Variants in MSH3 observed in about 807,000 individuals in gnomAD.
MSH3 encodes the protein DNA mismatch repair protein Msh3.
A neutral mutation model predicts 123.3 loss-of-function variants in MSH3; 106 were observed. The ratio of observed to expected loss-of-function variants is 0.86; its 90% CI spans 0.73 to 1.01. MSH3 has a LOEUF of 1.01. MSH3 is among the 50% of genes least tolerant of loss of function. MSH3 has a pLI of 0.00. For synonymous variants in MSH3, 515 were observed against 481.4 expected, an observed-to-expected ratio of 1.07 and a Z score of -0.91; for missense variants, 1,459 against 1,347.6, an observed-to-expected ratio of 1.08 and a Z score of -1.29.
chr5:80,829,750 T>C lies in MSH3; in HGVS notation c.2813+16009T>C, dbSNP rs566344439. Among the ~76,000 whole-genome samples, 6 of 152,336 alleles carry C rather than the reference T, an allele frequency of 3.9e-5. No individual in the cohort carries two copies. In the East Asian group the frequency reaches 7.7e-4, roughly 20 times the overall value. The stretch of plus-strand genomic sequence containing the variant: ...TTAAGGTAATGCTGGCCTTATAGAA[T>C]GTGTCAGGAAGTATTCCCTCTGCTT... On this transcript the variant is annotated intron_variant, in intron 20 of 23. Coordinates refer to ENST00000265081, the MANE Select transcript of MSH3 (RefSeq NM_002439.5).
At chr5:80,748,960 C>G (rs1266889167) in intron 12 of MSH3, among the ~76,000 whole-genome samples, 1 of 152,026 alleles carries the variant, frequency 6.6e-6, no homozygotes, top group Non-Finnish European at 1.5e-5. Flanking sequence ...ATACTATATA[C>G]TTTAAAAATT....
chr5:80,668,981 G>A (rs1650656), intron 3 of MSH3, among the ~76,000 whole-genome samples: 41,986 of 151,936 alleles, frequency 0.28, 5,974 homozygotes, highest in Middle Eastern at 0.34. Context: ...TGCAGCTGGC[G>A]TTACGGCAGT....
intron 8 of MSH3, among the ~76,000 whole-genome samples, chr5:80,707,329 A>G (rs1580576009): frequency 6.6e-6 from 1 of 152,200 alleles, no homozygotes; most frequent in Non-Finnish European, 1.5e-5. Flanking sequence ...AGTTACTAAC[A>G]TTTGTGTACT....
At chr5:80,725,332 C>A in intron 8 of MSH3, 121 bp from the exon 9 acceptor site, 1 of 664,158 alleles carries the variant, frequency 1.5e-6, no homozygotes, top group Non-Finnish European at 2.6e-6. Context: ...CTTTCTTCAA[C>A]TTGGGAAAGA....
chr5:80,797,851 A>T (rs1354320239), intron 19 of MSH3, among the ~76,000 whole-genome samples: 1 of 152,016 alleles, frequency 6.6e-6, no homozygotes, highest in Admixed American at 6.5e-5. Flanking sequence ...GTATCTTGGC[A>T]CCCCTGTCAC....
chr5:80,808,269 G>A (rs748911954), intron 19 of MSH3, among the ~76,000 whole-genome samples: 1 of 152,170 alleles, frequency 6.6e-6, no homozygotes, highest in Non-Finnish European at 1.5e-5. Flanking sequence ...CTTGTGGACA[G>A]CTATGTGATC....
chr5:80,873,212 CA>C lies in MSH3; in HGVS notation c.3228del (p.Asp1077MetfsTer7). On this transcript the variant is annotated frameshift_variant, in exon 23 of 24. Coordinates refer to ENST00000265081, the MANE Select transcript of MSH3 (RefSeq NM_002439.5). LOFTEE classifies it high-confidence loss of function. ...TATGGATTAAATGTGGCTAAACTAG[CA>C]GATGTTCCTGGAGAAATTTTGAAGA... ...RSYGLNVAKL[A>X]DVPGEILKKA... 6.2e-7 allele frequency: 1 copy of C among 1,613,924 alleles called. No homozygotes were observed. The highest frequency in any genetic ancestry group is 8.5e-7 in the Non-Finnish European group (1 of 1,179,902).
chr5:80,697,426 A>G (rs542162774), intron 8 of MSH3, among the ~76,000 whole-genome samples: 2 of 152,256 alleles, frequency 1.3e-5, no homozygotes. Flanking sequence ...TATTAAAAAC[A>G]TATAATCAGT....
chr5:80,784,212 C>CAAAAAAAAAAAAAAAAAAAAAAAAAAAAA lies in MSH3; in HGVS notation c.2436-3326_2436-3325insAAAAAAAAAAAAAAAAAAAAAAAAAAAAA, dbSNP rs1192783960. Reference sequence around the variant, plus strand: ...GCGAAAGAGCGAGACTACTACGTCGCAAAAAAAAAAAAAAAAAAAAAAAAA... The same window carrying CAAAAAAAAAAAAAAAAAAAAAAAAAAAAA: ...GCGAAAGAGCGAGACTACTACGTCGCAAAAAAAAAAAAAAAAAAAAAAAAAAAAAAAAAAAAAAAAAAAAAAAAAAAAAA... On this transcript the variant is annotated intron_variant, in intron 17 of 23. Transcript: ENST00000265081. Among the ~76,000 whole-genome samples, 9 of 11,990 alleles carry CAAAAAAAAAAAAAAAAAAAAAAAAAAAAA rather than the reference C, an allele frequency of 7.5e-4. 1 individual carries two copies. The highest frequency in any genetic ancestry group is 1.8e-3 in the East Asian group (1 of 552). 7.9% of individuals were successfully genotyped at this position (11,990 alleles called of 152,430 possible). A position where few individuals can be genotyped will look rare whatever the true frequency, so the allele number is the denominator to read the frequency against.
chr5:80,792,636 T>C, intron 18 of MSH3, 97 bp from the exon 19 acceptor site: 1 of 712,812 alleles, frequency 1.4e-6, no homozygotes, highest in Non-Finnish European at 2.5e-6. Flanking sequence ...TTTTCTGTCG[T>C]ACAAACAGAG....
chr5:80,778,259 C>T (rs1023048401), intron 16 of MSH3, among the ~76,000 whole-genome samples: 6 of 152,170 alleles, frequency 3.9e-5, no homozygotes, highest in African/African-American at 1.2e-4. Context: ...TAATGCATTG[C>T]TTTCTTTGTA....
intron 8 of MSH3, among the ~76,000 whole-genome samples, chr5:80,695,087 G>GTTTTTTTTTTTTTTTTTTT (rs57947652): frequency 8.7e-6 from 1 of 115,312 alleles, no homozygotes; most frequent in Non-Finnish European, 1.9e-5. Flanking sequence ...TTTTTTTGTT[G>GTTTTTTTTTTTTTTTTTTT]TTTTTTTTTT....
rs562747071 is a variant in MSH3 at position 80,754,937 on chromosome 5, A to G, written c.1764-6609A>G. ...GTTAATGAAACCAAATGTCACTTTT[A>G]ACTCTGGAACTTCTAAAATGAACTA... On this transcript the variant is annotated intron_variant, in intron 12 of 23. Coordinates refer to ENST00000265081, the MANE Select transcript of MSH3 (RefSeq NM_002439.5). Among the ~76,000 whole-genome samples the G allele has an allele frequency of 2.2e-4, 33 of 152,270 alleles. No individual in the cohort carries two copies. In the South Asian group the frequency reaches 6.6e-3, roughly 31 times the overall value.
In MSH3 at chr5:80,679,004, G is replaced by A. The variant is rs747491180; in HGVS notation, c.1251G>A (p.Arg417=). The A allele has an allele frequency of 1.4e-5, 23 of 1,614,000 alleles. 1 individual carries two copies. The African/African-American group carries it at 2.7e-4, about 19-fold the overall frequency. ...DSASRSELET[R]MSSLQPVELL... is the part of the protein sequence containing the mutation. ...CTTCTCGTTCAGAGCTAGAAACCCGGATGTCAAGCCTGCAGCCAGTAGAGC... is the reference window on the plus strand; with the variant it reads ...CTTCTCGTTCAGAGCTAGAAACCCGAATGTCAAGCCTGCAGCCAGTAGAGC... Residue 417 remains arginine, a synonymous_variant, in exon 8 of 24, where the codon CGG becomes CGA. Coordinates refer to ENST00000265081, the MANE Select transcript of MSH3 (RefSeq NM_002439.5).
intron 8 of MSH3, among the ~76,000 whole-genome samples, chr5:80,718,402 A>G (rs1751005312): frequency 6.6e-6 from 1 of 151,740 alleles, no homozygotes; most frequent in African/African-American, 2.4e-5. Flanking sequence ...ACAGGTGCAT[A>G]CCACTGTGTC....
chr5:80,674,916 T>A, intron 6 of MSH3, 67 bp from the exon 7 acceptor site: 1 of 1,277,756 alleles, frequency 7.8e-7, no homozygotes, highest in South Asian at 1.3e-5. Flanking sequence ...TAGTTAATAT[T>A]ATTGGAAATT....
chr5:80,873,775 C>T (rs545303021), intron 23 of MSH3, among the ~76,000 whole-genome samples: 2 of 152,186 alleles, frequency 1.3e-5, no homozygotes, highest in Non-Finnish European at 1.5e-5. Context: ...TCATTCTAAA[C>T]AGGCTGCTGT....
chr5:80,711,057 A>G (rs2112844953), intron 8 of MSH3, among the ~76,000 whole-genome samples: 1 of 152,370 alleles, frequency 6.6e-6, no homozygotes, highest in East Asian at 1.9e-4. Flanking sequence ...AACCATTACA[A>G]AAGAAGCAAA....
intron 2 of MSH3, among the ~76,000 whole-genome samples, chr5:80,661,240 G>A (rs1749427384): frequency 6.6e-6 from 1 of 152,064 alleles, no homozygotes; most frequent in African/African-American, 2.4e-5. Flanking sequence ...CATTTTTTCT[G>A]TCTTCCTGTC....
Sources: gnomAD v4.1 joint callset for allele counts (sites outside exome capture counted in the v4.1 genomes callset) on GRCh38, gnomAD v4.1.1 for gene constraint, MANE v1.5 for transcripts, NCBI Gene and HGNC (gene_info 2026-07-23, HGNC 2026-07-21) for gene names.